Variants in ANO10 observed in about 807,000 individuals in gnomAD.
ANO10 encodes the protein anoctamin 10.
In ANO10, 77 loss-of-function variants were observed where a neutral mutation model predicts 74.7. That is an observed-to-expected ratio of 1.03 (90% CI 0.86 to 1.25). The LOEUF (loss-of-function observed/expected upper bound fraction) is 1.25, where lower values mean the gene tolerates loss of function less well. ANO10 is among the 50% of genes most tolerant of loss of function. ANO10 has a pLI of 0.00. For missense variants in ANO10, 721 were observed against 778.1 expected, an observed-to-expected ratio of 0.93 and a Z score of 0.87; for synonymous variants, 279 against 284.9, an observed-to-expected ratio of 0.98 and a Z score of 0.21.
intron 1 of ANO10, among the ~76,000 whole-genome samples, chr3:43,616,222 A>C (rs2149530052): frequency 6.6e-6 from 1 of 152,246 alleles, no homozygotes; most frequent in South Asian, 2.1e-4. Context: ...AGATCAGTTA[A>C]GCCCTCGCTA....
At chr3:43,573,985 C>T (rs1447658170) in intron 7 of ANO10, among the ~76,000 whole-genome samples, 1 of 152,144 alleles carries the variant, frequency 6.6e-6, no homozygotes, top group Non-Finnish European at 1.5e-5. Flanking sequence ...GACAGGGTCT[C>T]GCTCTGTCAC....
intron 11 of ANO10, among the ~76,000 whole-genome samples, chr3:43,541,170 T>C (rs2078938129): frequency 6.6e-6 from 1 of 152,226 alleles, no homozygotes; most frequent in African/African-American, 2.4e-5. Flanking sequence ...CTTAGTTTGT[T>C]GTGGGCTCCT....
intron 11 of ANO10, among the ~76,000 whole-genome samples, chr3:43,464,178 T>C (rs1559572458): frequency 6.6e-6 from 1 of 152,018 alleles, no homozygotes; most frequent in Non-Finnish European, 1.5e-5. Flanking sequence ...ACATCAATCC[T>C]ACACAGCCTC....
chr3:43,492,835 G>A (rs1236055204), intron 11 of ANO10, among the ~76,000 whole-genome samples: 2 of 152,156 alleles, frequency 1.3e-5, no homozygotes, highest in South Asian at 2.1e-4. Flanking sequence ...TTACACTGTC[G>A]GTGGGAGTGT....
intron 1 of ANO10, among the ~76,000 whole-genome samples, chr3:43,640,947 C>G (rs559804207): frequency 6.6e-6 from 1 of 152,286 alleles, no homozygotes; most frequent in South Asian, 2.1e-4. Flanking sequence ...AAACCAAAAT[C>G]TGAAGTGCAT....
intron 1 of ANO10, among the ~76,000 whole-genome samples, chr3:43,627,061 AT>A (rs1415350957): frequency 6.6e-6 from 1 of 152,092 alleles, no homozygotes; most frequent in Non-Finnish European, 1.5e-5. Flanking sequence ...AATTTACATA[AT>A]TTTTCTTCTG....
At chr3:43,562,455 C>CAAAAAA (rs1169816392) in intron 8 of ANO10, among the ~76,000 whole-genome samples, 22 of 69,952 alleles carry the variant, frequency 3.1e-4, no homozygotes, top group African/African-American at 4.6e-4. Flanking sequence ...CTGTCTCAAA[C>CAAAAAA]AAAAAAAAAA....
At chr3:43,675,911 T>C (rs778443422) in intron 1 of ANO10, among the ~76,000 whole-genome samples, 9 of 152,230 alleles carry the variant, frequency 5.9e-5, no homozygotes, top group African/African-American at 2.2e-4. Flanking sequence ...GCAATTGTAC[T>C]CTTTGACATT....
At chr3:43,592,026 G>A (rs1170497563) in intron 4 of ANO10, among the ~76,000 whole-genome samples, 1 of 152,234 alleles carries the variant, frequency 6.6e-6, no homozygotes, top group African/African-American at 2.4e-5. Flanking sequence ...AGATCGAACT[G>A]CAAGGCAGCA....
chr3:43,389,774 T>C (rs999934308), intron 12 of ANO10, among the ~76,000 whole-genome samples: 8 of 152,166 alleles, frequency 5.3e-5, no homozygotes, highest in Admixed American at 4.6e-4. Flanking sequence ...ACCATTCTTA[T>C]TTTCAAAAAG....
intron 1 of ANO10, among the ~76,000 whole-genome samples, chr3:43,645,212 G>A (rs974729027): frequency 1.3e-5 from 2 of 152,178 alleles, no homozygotes; most frequent in African/African-American, 2.4e-5. Context: ...GAAAGCAAAC[G>A]CATCTCAAAG....
At chr3:43,494,321 C>T (rs2076837443) in intron 11 of ANO10, among the ~76,000 whole-genome samples, 1 of 152,132 alleles carries the variant, frequency 6.6e-6, no homozygotes, top group African/African-American at 2.4e-5. Context: ...GGCATGGTGG[C>T]AGACGCCTGT....
chr3:43,420,184 G>A (rs935001134), intron 12 of ANO10, among the ~76,000 whole-genome samples: 4 of 152,192 alleles, frequency 2.6e-5, no homozygotes, highest in Non-Finnish European at 4.4e-5. Flanking sequence ...AGTGGCTCAC[G>A]CCAGTAATCC....
intron 11 of ANO10, among the ~76,000 whole-genome samples, chr3:43,545,302 T>C (rs9872346): frequency 0.017 from 2,636 of 152,252 alleles, 84 homozygotes; most frequent in African/African-American, 0.06. Flanking sequence ...TTTGAAAAGA[T>C]TTTCAGATAA....
Position 43,564,330 on chromosome 3 carries a change from G to A in ANO10, c.1293+1323C>T, listed in dbSNP as rs184223798. Among the ~76,000 whole-genome samples the A allele has an allele frequency of 2.0e-3, 300 of 151,768 alleles. 2 individuals carry two copies. The highest frequency in any genetic ancestry group is 1.9e-3 in the Non-Finnish European group (127 of 67,958). ...ATTACAGGTATGAGCCATTATGCCC[G>A]GCCTTCATTACACATTTTATGAATG... On this transcript the variant is annotated intron_variant, in intron 8 of 12. Coordinates refer to ENST00000292246, the MANE Select transcript of ANO10 (RefSeq NM_018075.5).
At chr3:43,438,953 A>T (rs2093118334) in intron 11 of ANO10, among the ~76,000 whole-genome samples, 2 of 152,136 alleles carry the variant, frequency 1.3e-5, no homozygotes. Flanking sequence ...GAAGAGACAG[A>T]AAGAAATGGG....
intron 10 of ANO10, among the ~76,000 whole-genome samples, chr3:43,551,931 T>TA (rs1284640536): frequency 6.6e-6 from 1 of 152,208 alleles, no homozygotes; most frequent in East Asian, 1.9e-4. Context: ...GTAATGTAGT[T>TA]ATTGATATGT....
intron 2 of ANO10, among the ~76,000 whole-genome samples, chr3:43,602,567 C>T (rs1198175742): frequency 6.6e-6 from 1 of 152,154 alleles, no homozygotes; most frequent in Non-Finnish European, 1.5e-5. Context: ...AACTCCTGAC[C>T]TCAAGTGATC....
At chr3:43,623,158 G>T (rs1250774343), upstream of ANO10, among the ~76,000 whole-genome samples, 1 of 152,146 alleles carries the variant, frequency 6.6e-6, no homozygotes, top group Non-Finnish European at 1.5e-5. Flanking sequence ...GAGCCACCGC[G>T]CCCTGCCGGC....
Sources: allele counts gnomAD v4.1 joint callset (sites outside exome capture counted in the v4.1 genomes callset), GRCh38; gene constraint gnomAD v4.1.1; transcripts MANE v1.5; gene names NCBI Gene and HGNC (gene_info 2026-07-23, HGNC 2026-07-21).